Variants in FGFR4 observed in about 807,000 individuals in gnomAD.
The protein encoded by FGFR4 is hydroxyaryl-protein kinase.
In FGFR4, 63 loss-of-function variants were observed where a neutral mutation model predicts 89.9. That is an observed-to-expected ratio of 0.70 (90% CI 0.57 to 0.86). The LOEUF (loss-of-function observed/expected upper bound fraction) is 0.86, where lower values mean the gene tolerates loss of function less well. Ranked by LOEUF, FGFR4 falls within the 40% of genes least tolerant of loss-of-function variation. FGFR4 has a pLI of 0.00. For missense variants in FGFR4, 928 were observed against 1,106.7 expected (o/e 0.84, Z 2.29); for synonymous variants, 486 against 479.4 (o/e 1.01, Z -0.18).
Position 177,090,924 on chromosome 5 carries a change from C to A in FGFR4, c.437-14C>A, listed in dbSNP as rs1314449518. 1 of 1,614,168 alleles carries A rather than the reference C, an allele frequency of 6.2e-7. No homozygotes were observed. Among genetic ancestry groups the A allele is most frequent in the Admixed American group, 1.7e-5 (1 of 60,026 alleles). On this transcript the variant is annotated splice_polypyrimidine_tract_variant and intron_variant, in intron 4 of 17. Transcript: ENST00000292408. ...AACACACGGTCATTCTAGGGGCCTT[C>A]CCCTGCCCTCCAGCACCCTACTGGA...
intron 15 of FGFR4, 23 bp from the exon 16 acceptor site, chr5:177,096,581 C>G: frequency 2.5e-6 from 4 of 1,612,898 alleles, no homozygotes; most frequent in Non-Finnish European, 1.7e-6. Context: ...CTGAGCCACA[C>G]TGAGCCCTGG....
intron 5 of FGFR4, 130 bp downstream of exon 5, chr5:177,091,234 G>A (rs971385364): frequency 1.0e-5 from 12 of 1,183,698 alleles, no homozygotes; most frequent in South Asian, 1.6e-5. Context: ...AAGGAGCCCT[G>A]GACTGTGGAC....
At chr5:177,094,600 CG>C (rs1784485243) in intron 11 of FGFR4, among the ~76,000 whole-genome samples, 1 of 151,888 alleles carries the variant, frequency 6.6e-6, no homozygotes, top group East Asian at 1.9e-4. Context: ...GGCCCAGCCC[CG>C]GGGTGCTCTT....
Position 177,093,579 on chromosome 5 carries a change from C to T in FGFR4, c.1397+28C>T, listed in dbSNP as rs549377021. The T allele has an allele frequency of 5.0e-6, 8 of 1,612,150 alleles. No homozygotes were observed. The highest frequency in any genetic ancestry group is 4.5e-5 in the East Asian group (2 of 44,840). ...GCGCTGAGCTGTGTGGGGGCAGGGA[C>T]GCGGGCGCCGGGTTGCAGCCCGCCC... On this transcript the variant is annotated intron_variant, in intron 10 of 17. Transcript: ENST00000292408. This position sits in a 1 kb window ranked among gnomAD's most constrained non-coding sequence, Gnocchi z 5.8.
In FGFR4 at chr5:177,095,609, C is replaced by A; in HGVS notation, c.1707C>A (p.Gly569=). The A allele has an allele frequency of 6.2e-7, 1 of 1,605,458 alleles. No individual in the cohort carries two copies. Among genetic ancestry groups the A allele is most frequent in the Non-Finnish European group, 8.5e-7 (1 of 1,177,112 alleles). Residue 569 remains glycine, a synonymous_variant, in exon 13 of 18, where the codon GGC becomes GGA. Transcript: ENST00000292408. This position sits in a 1 kb window ranked among gnomAD's most constrained non-coding sequence, Gnocchi z 5.7. ...TCCTGCGGGCCCGGCGCCCCCCAGGCCCCGACCTCAGCCCCGACGGTCCTC... is the reference window on the plus strand; with the variant it reads ...TCCTGCGGGCCCGGCGCCCCCCAGGACCCGACCTCAGCCCCGACGGTCCTC... ...REFLRARRPP[G]PDLSPDGPRS...
At chr5:177,097,447 C>A (rs753638512) in intron 17 of FGFR4, 50 bp downstream of exon 17, 2 of 1,603,074 alleles carry the variant, frequency 1.2e-6, no homozygotes, top group South Asian at 1.1e-5. Context: ...CCCTCCAGGC[C>A]TCATCTGGCC....
chr5:177,092,033 G>A (rs1185405334), intron 6 of FGFR4, among the ~76,000 whole-genome samples: 4 of 152,202 alleles, frequency 2.6e-5, no homozygotes, highest in Admixed American at 6.5e-5. Context: ...CAGCCCGAGC[G>A]GAGGGCCTGA....
chr5:177,089,748 A>G, intron 2 of FGFR4, 55 bp downstream of exon 2: 1 of 1,592,040 alleles, frequency 6.3e-7, no homozygotes, highest in Non-Finnish European at 8.6e-7. Flanking sequence ...GGGCACCAGG[A>G]GGGGGCTGCT....
rs750069509 is a variant in FGFR4 at position 177,095,577 on chromosome 5, C to A, written c.1675C>A (p.Arg559=). Residue 559 remains arginine, a synonymous_variant, in exon 13 of 18, where the codon CGG becomes AGG. Transcript: ENST00000292408. This position sits in a 1 kb window ranked among gnomAD's most constrained non-coding sequence, Gnocchi z 5.7. ...GGAGTGCGCCGCCAAGGGAAACCTGCGGGAGTTCCTGCGGGCCCGGCGCCC... is the reference window on the plus strand; with the variant it reads ...GGAGTGCGCCGCCAAGGGAAACCTGAGGGAGTTCCTGCGGGCCCGGCGCCC... ...IVECAAKGNL[R]EFLRARRPPG... 3.7e-6 allele frequency: 6 copies of A among 1,609,376 alleles called. No individual in the cohort carries two copies. The highest frequency in any genetic ancestry group is 4.2e-6 in the Non-Finnish European group (5 of 1,178,444).
Position 177,096,689 on chromosome 5 carries a change from C to G in FGFR4, c.2101C>G (p.Leu701Val), listed in dbSNP as rs768379807. 2 of 1,607,632 alleles carry G rather than the reference C, an allele frequency of 1.2e-6. No individual in the cohort carries two copies. The highest frequency in any genetic ancestry group is 1.7e-6 in the Non-Finnish European group (2 of 1,176,776). ...PGIPVEELFS[L>V]LREGHRMDRP... ...CATCCCGGTGGAGGAGCTGTTCTCG[C>G]TGCTGCGGGAGGGACATCGGATGGA... The change falls in exon 16 of 18, where the codon CTG becomes GTG. Residue 701 changes from leucine to valine, a missense_variant. By Grantham distance (32) the Leu-to-Val change is conservative. Transcript: ENST00000292408.
chr5:177,092,721 A>G lies in FGFR4; in HGVS notation c.994A>G (p.Thr332Ala), dbSNP rs556424873. ...NVSAEDAGEYTCLAGNSIGLS... is the reference protein window; with the variant it reads ...NVSAEDAGEYACLAGNSIGLS... ...GTCAGCCGAGGACGCAGGCGAGTAC[A>G]CCTGCCTCGCAGGCAATTCCATCGG... is the stretch of plus-strand genomic sequence containing the variant. The change falls in exon 8 of 18, where the codon ACC (threonine) becomes GCC (alanine). Residue 332 changes from threonine to alanine, a missense_variant. Coordinates refer to ENST00000292408, the MANE Select transcript of FGFR4 (RefSeq NM_213647.3). 2.5e-6 allele frequency: 4 copies of G among 1,614,214 alleles called. No homozygotes were observed. The Admixed American group carries it at 6.7e-5, about 27-fold the overall frequency.
At chr5:177,094,455 C>T (rs2011077) in intron 11 of FGFR4, among the ~76,000 whole-genome samples, 29,511 of 151,996 alleles carry the variant, frequency 0.19, 3,711 homozygotes, top group East Asian at 0.52. Flanking sequence ...TTCACATCTC[C>T]TTGTCAGCCT....
chr5:177,088,815 C>A (rs2431499), intron 1 of FGFR4, among the ~76,000 whole-genome samples: 2 of 151,586 alleles, frequency 1.3e-5, no homozygotes, highest in Admixed American at 6.6e-5. Context: ...CAACACTCTG[C>A]GTGCCGACGC....
rs781092287 is a variant in FGFR4 at position 177,095,543 on chromosome 5, C to A, written c.1641C>A (p.Tyr547Ter). ...LGVCTQEGPLYVIVECAAKGN... is the reference protein window; with the variant it reads ...LGVCTQEGPL Reference sequence around the variant, plus strand: ...CCACTCCCTCTGCAGGGCCCCTGTACGTGATCGTGGAGTGCGCCGCCAAGG... The same window carrying A: ...CCACTCCCTCTGCAGGGCCCCTGTAAGTGATCGTGGAGTGCGCCGCCAAGG... The change falls in exon 13 of 18, where the codon TAC becomes TAA. Residue 547 changes from tyrosine (Y) to a stop codon, truncating the protein, a stop_gained. Transcript: ENST00000292408. LOFTEE classifies it high-confidence loss of function. The surrounding 1 kb of genome is among the most constrained non-coding windows in gnomAD (Gnocchi z 5.7). The A allele has an allele frequency of 9.9e-6, 16 of 1,611,022 alleles. No homozygotes were observed. Among genetic ancestry groups the A allele is most frequent in the Non-Finnish European group, 1.3e-5 (15 of 1,178,618 alleles).
Position 177,095,755 on chromosome 5 carries a change from GTC to G in FGFR4, c.1821+37_1821+38del. 6.5e-7 allele frequency: 1 copy of G among 1,537,720 alleles called. No individual in the cohort carries two copies. The highest frequency in any genetic ancestry group is 8.7e-7 in the Non-Finnish European group (1 of 1,143,444). Reference sequence around the variant, plus strand: ...GCGCTAGGGCTCTGAGCCCCTCTCAGTCTCTCCAGCTCCACTCTCAGGCCTGT... The same window carrying G: ...GCGCTAGGGCTCTGAGCCCCTCTCAGTCTCCAGCTCCACTCTCAGGCCTGT... On this transcript the variant is annotated intron_variant, in intron 13 of 17. Transcript: ENST00000292408. This position sits in a 1 kb window ranked among gnomAD's most constrained non-coding sequence, Gnocchi z 5.7.
chr5:177,097,413 C>T lies in FGFR4; in HGVS notation c.2259+16C>T, dbSNP rs1399411917. On this transcript the variant is annotated intron_variant, in intron 17 of 17. Transcript: ENST00000292408. ...CTCTGAGGAGGTACAGCCCCTCCCA[C>T]CCACCACCTCCCTCTGCCTGCTCCC... 1 of 1,606,984 alleles carries T rather than the reference C, an allele frequency of 6.2e-7. No individual in the cohort carries two copies. Among genetic ancestry groups the T allele is most frequent in the African/African-American group, 1.3e-5 (1 of 74,794 alleles).
chr5:177,092,716 A>AATT lies in FGFR4; in HGVS notation c.989_990insATT (p.Glu330_Tyr331insLeu). The AATT allele has an allele frequency of 6.2e-7, 1 of 1,614,228 alleles. No individual in the cohort carries two copies. Among genetic ancestry groups the AATT allele is most frequent in the South Asian group, 1.1e-5 (1 of 91,092 alleles). ...AACGTGTCAGCCGAGGACGCAGGCGAGTACACCTGCCTCGCAGGCAATTCC... is the reference window on the plus strand; with the variant it reads ...AACGTGTCAGCCGAGGACGCAGGCGAATTGTACACCTGCCTCGCAGGCAATTCC... On this transcript the variant is annotated inframe_insertion, in exon 8 of 18. Transcript: ENST00000292408.
chr5:177,097,524 C>T lies in FGFR4; in HGVS notation c.2260-3C>T, dbSNP rs1031320068. On this transcript the variant is annotated splice_polypyrimidine_tract_variant and splice_region_variant and intron_variant, in intron 17 of 17. Coordinates refer to ENST00000292408, the MANE Select transcript of FGFR4 (RefSeq NM_213647.3). ...AGAGGCTGACCAGCTCCGTTCCCCA[C>T]AGTACCTCGACCTCCGCCTGACCTT... The T allele has an allele frequency of 6.2e-7, 1 of 1,612,596 alleles. No individual in the cohort carries two copies. Among genetic ancestry groups the T allele is most frequent in the East Asian group, 2.2e-5 (1 of 44,860 alleles).
intron 16 of FGFR4, among the ~76,000 whole-genome samples, chr5:177,096,952 CCTTCTCCTCCTG>C (rs1324287676): frequency 9.6e-5 from 5 of 51,928 alleles, no homozygotes; most frequent in Admixed American, 4.4e-4. Context: ...TCCTCTTCCT[CCTTCTCCTCCTG>C]CTCCTCTTCC....
Sources: allele counts gnomAD v4.1 joint callset (sites outside exome capture counted in the v4.1 genomes callset), GRCh38; gene constraint gnomAD v4.1.1; non-coding constraint Gnocchi (gnomAD v3.1); transcripts MANE v1.5; gene names NCBI Gene and HGNC (gene_info 2026-07-23, HGNC 2026-07-21).